Variants in CSMD1 observed in about 807,000 individuals in gnomAD.
CSMD1 encodes the protein CUB and sushi domain-containing protein 1.
A neutral mutation model predicts 417.5 loss-of-function variants in CSMD1; 213 were observed. That is an observed-to-expected ratio of 0.51 (90% CI 0.46 to 0.57). CSMD1 has a LOEUF of 0.57. CSMD1 is among the 20% of genes least tolerant of loss of function. CSMD1 has a pLI of 0.00. For synonymous variants in CSMD1, 2,862 were observed against 1,736.8 expected (o/e 1.65, Z -16.11); for missense variants, 6,923 against 4,529.7 (o/e 1.53, Z -15.17).
chr8:3,472,475 T>C (rs77964337), intron 11 of CSMD1, among the ~76,000 whole-genome samples: 4,458 of 152,174 alleles, frequency 0.029, 169 homozygotes, highest in South Asian at 0.12. Context: ...CTACTACCAA[T>C]CTGTCCCATC....
At chr8:3,996,879 A>G (rs1351099356) in intron 5 of CSMD1, among the ~76,000 whole-genome samples, 1 of 152,238 alleles carries the variant, frequency 6.6e-6, no homozygotes, top group Non-Finnish European at 1.5e-5. Context: ...TTCAATTCCA[A>G]TAATCGGTTT....
chr8:3,570,026 G>T (rs1462101771), intron 10 of CSMD1, among the ~76,000 whole-genome samples: 1 of 152,132 alleles, frequency 6.6e-6, no homozygotes, highest in African/African-American at 2.4e-5. Flanking sequence ...TGTACACAAA[G>T]ATGAGAGAGA....
chr8:2,985,735 T>A (rs1467718442), intron 54 of CSMD1, among the ~76,000 whole-genome samples: 1 of 152,068 alleles, frequency 6.6e-6, no homozygotes, highest in Non-Finnish European at 1.5e-5. Flanking sequence ...CAGTGGGAAA[T>A]CAGGCAAGGC....
At chr8:4,461,435 T>G (rs1431102418) in intron 2 of CSMD1, among the ~76,000 whole-genome samples, 2 of 151,642 alleles carry the variant, frequency 1.3e-5, no homozygotes, top group Non-Finnish European at 2.9e-5. Flanking sequence ...ACAAATCACA[T>G]GATCTAGTAT....
At chr8:4,121,112 T>C (rs1802463014) in intron 3 of CSMD1, among the ~76,000 whole-genome samples, 1 of 151,720 alleles carries the variant, frequency 6.6e-6, no homozygotes, top group South Asian at 2.1e-4. Context: ...TTTATTTTTA[T>C]TTTTATTTAT....
chr8:4,119,767 G>A (rs1388480890), intron 3 of CSMD1, among the ~76,000 whole-genome samples: 1 of 152,176 alleles, frequency 6.6e-6, no homozygotes, highest in African/African-American at 2.4e-5. Context: ...ATGGCATTTT[G>A]CTACAGCAGC....
At position 4,939,968 on chromosome 8, in the gene CSMD1, C is replaced by T. The variant is rs749648237; in HGVS notation, c.85+54364G>A. ...TAAATTTAAAAAAAGATTGGGAAAA[C>T]TTGAAAAATCTTCAGAGTAGGGTTA... On this transcript the variant is annotated intron_variant, in intron 1 of 69. Transcript: ENST00000635120. 2.6e-5 allele frequency among the ~76,000 whole-genome samples: 4 copies of T among 152,128 alleles called. No individual in the cohort carries two copies. The East Asian group carries it at 7.7e-4, about 29-fold the overall frequency.
At chr8:3,332,715 G>C (rs1275597707) in intron 23 of CSMD1, among the ~76,000 whole-genome samples, 1 of 152,186 alleles carries the variant, frequency 6.6e-6, no homozygotes, top group Admixed American at 6.5e-5. Context: ...TATTTTAAAT[G>C]AAATTATCTG....
At chr8:3,211,385 T>C (rs1381477775) in intron 30 of CSMD1, among the ~76,000 whole-genome samples, 1 of 152,120 alleles carries the variant, frequency 6.6e-6, no homozygotes, top group Admixed American at 6.5e-5. Context: ...CATGTAGTAA[T>C]TGTGTGGTCT....
chr8:3,884,621 A>G (rs564868657), intron 5 of CSMD1, among the ~76,000 whole-genome samples: 1 of 152,270 alleles, frequency 6.6e-6, no homozygotes, highest in South Asian at 2.1e-4. Flanking sequence ...TGATTTGGTT[A>G]AACAAAAAGA....
chr8:3,358,186 G>A (rs542257348), intron 21 of CSMD1, among the ~76,000 whole-genome samples: 17 of 152,270 alleles, frequency 1.1e-4, no homozygotes, highest in East Asian at 1.9e-4. Context: ...CCTCCAGTTC[G>A]TTAACTGGTG....
chr8:3,708,512 C>A (rs377721359), intron 6 of CSMD1, 21 bp from the exon 7 acceptor site: 8 of 1,606,798 alleles, frequency 5.0e-6, no homozygotes, highest in African/African-American at 4.0e-5. Flanking sequence ...CAAAACCAAG[C>A]CATTAGCAGG....
chr8:3,112,420 T>C (rs1816574217), intron 42 of CSMD1, among the ~76,000 whole-genome samples: 1 of 152,154 alleles, frequency 6.6e-6, no homozygotes, highest in African/African-American at 2.4e-5. Flanking sequence ...CAAAAAGCCA[T>C]CGTTCCCACC....
intron 17 of CSMD1, among the ~76,000 whole-genome samples, chr8:3,392,811 C>T (rs1811429030): frequency 6.6e-6 from 1 of 152,114 alleles, no homozygotes; most frequent in Non-Finnish European, 1.5e-5. Flanking sequence ...GGGACACCCT[C>T]TGAGTGGGTT....
At chr8:4,882,627 C>T (rs570330970) in intron 1 of CSMD1, among the ~76,000 whole-genome samples, 2 of 152,060 alleles carry the variant, frequency 1.3e-5, no homozygotes, top group South Asian at 4.1e-4. Context: ...CAACTATCCA[C>T]CGGGTTTCCC....
At chr8:3,213,870 A>G (rs1007557680) in intron 30 of CSMD1, among the ~76,000 whole-genome samples, 2 of 151,082 alleles carry the variant, frequency 1.3e-5, no homozygotes, top group Admixed American at 1.3e-4. Context: ...ATATATATAT[A>G]TATATGAGAT....
chr8:4,918,685 T>G lies in CSMD1; in HGVS notation c.85+75647A>C, dbSNP rs151071109. On this transcript the variant is annotated intron_variant, in intron 1 of 69. Coordinates refer to ENST00000635120, the MANE Select transcript of CSMD1 (RefSeq NM_033225.6). ...ATCTCACTATTTCAGTGAAATAAAC[T>G]TATTATTTGACTAATACATTTTTCG... 8.5e-4 allele frequency among the ~76,000 whole-genome samples: 129 copies of G among 152,360 alleles called. 1 individual carries two copies. Among genetic ancestry groups the G allele is most frequent in the African/African-American group, 3.0e-3 (124 of 41,592 alleles).
At chr8:4,012,702 C>G (rs111496202) in intron 4 of CSMD1, among the ~76,000 whole-genome samples, 4 of 152,166 alleles carry the variant, frequency 2.6e-5, no homozygotes, top group Non-Finnish European at 5.9e-5. Flanking sequence ...ATTTCAACTC[C>G]ATAGAATGTC....
At chr8:4,475,015 G>A (rs142442579) in intron 2 of CSMD1, among the ~76,000 whole-genome samples, 304 of 152,248 alleles carry the variant, frequency 2.0e-3, no homozygotes, top group African/African-American at 6.8e-3. Context: ...AAAGTTTTAT[G>A]TGGATTTTTC....
Sources: gnomAD v4.1 joint callset for allele counts (sites outside exome capture counted in the v4.1 genomes callset) on GRCh38, gnomAD v4.1.1 for gene constraint, MANE v1.5 for transcripts, NCBI Gene and HGNC (gene_info 2026-07-23, HGNC 2026-07-21) for gene names.